Variants in DAB1 observed in about 807,000 individuals in gnomAD.
The protein encoded by DAB1 is disabled homolog 1.
DAB1 carries 15 observed loss-of-function variants against 64.6 expected under a neutral mutation model. The observed-to-expected ratio is 0.23, with a 90% CI of 0.16 to 0.36. The LOEUF (loss-of-function observed/expected upper bound fraction) is 0.36. Ranked by LOEUF, DAB1 falls within the 10% of genes least tolerant of loss-of-function variation. The probability of loss-of-function intolerance (pLI) is 1.00; values close to 1 mark genes in which losing one functional copy is unlikely to be tolerated. For synonymous variants in DAB1, 235 were observed against 251.9 expected (o/e 0.93, Z 0.64); for missense variants, 596 against 706.7 (o/e 0.84, Z 1.78).
intron 4 of DAB1, among the ~76,000 whole-genome samples, chr1:58,189,658 C>T (rs1282781740): frequency 2.0e-5 from 3 of 152,254 alleles, no homozygotes; most frequent in South Asian, 4.1e-4. Flanking sequence ...TTTGGTCACA[C>T]CAATGGCCTG....
chr1:57,321,700 T>C (rs1270255179), intron 1 of DAB1, among the ~76,000 whole-genome samples: 1 of 152,138 alleles, frequency 6.6e-6, no homozygotes, highest in Non-Finnish European at 1.5e-5. Flanking sequence ...TTCTATAAAA[T>C]GGGAGTAATA....
intron 6 of DAB1, among the ~76,000 whole-genome samples, chr1:57,750,984 T>C (rs1648525230): frequency 6.6e-6 from 1 of 152,106 alleles, no homozygotes; most frequent in Non-Finnish European, 1.5e-5. Context: ...CACCCCAGTC[T>C]CCTCCTGGGG....
At chr1:58,109,335 T>C (rs184559864) in intron 5 of DAB1, among the ~76,000 whole-genome samples, 336 of 152,308 alleles carry the variant, frequency 2.2e-3, no homozygotes, top group Non-Finnish European at 3.6e-3. Flanking sequence ...CCTGCATCTG[T>C]TAAGAATCTT....
intron 3 of DAB1, among the ~76,000 whole-genome samples, chr1:58,457,326 C>T (rs2100304296): frequency 1.3e-5 from 2 of 152,242 alleles, no homozygotes; most frequent in South Asian, 4.2e-4. Context: ...AGTGCTCCCT[C>T]CCTCCCAAGG....
intron 4 of DAB1, among the ~76,000 whole-genome samples, chr1:57,104,023 G>T (rs1654915706): frequency 6.6e-6 from 1 of 152,164 alleles, no homozygotes. Context: ...GAGACATGGG[G>T]CCCTGGAGGG....
intron 2 of DAB1, among the ~76,000 whole-genome samples, chr1:58,525,444 A>C (rs1246338058): frequency 6.6e-6 from 1 of 152,190 alleles, no homozygotes; most frequent in Non-Finnish European, 1.5e-5. Flanking sequence ...ATTTTTATAT[A>C]CAAGCAATTT....
chr1:57,345,524 A>G (rs1678007209), intron 1 of DAB1, among the ~76,000 whole-genome samples: 1 of 152,204 alleles, frequency 6.6e-6, no homozygotes, highest in Admixed American at 6.6e-5. Flanking sequence ...ATTAGCAGTG[A>G]GTCTGGGACC....
chr1:57,934,516 A>G (rs900587268), intron 5 of DAB1, among the ~76,000 whole-genome samples: 46 of 152,172 alleles, frequency 3.0e-4, no homozygotes, highest in African/African-American at 1.1e-3. Context: ...AGCACTTTAC[A>G]TGTGTTAACC....
At chr1:57,792,095 G>A (rs775437345) in intron 6 of DAB1, among the ~76,000 whole-genome samples, 1 of 152,146 alleles carries the variant, frequency 6.6e-6, no homozygotes, top group Non-Finnish European at 1.5e-5. Context: ...CCCTTCCACT[G>A]AGGACTTGTT....
rs1659007953 is a variant in DAB1 at position 57,145,324 on chromosome 1, T to C, written c.173A>G (p.Asp58Gly). ...CATCATGGAATCTTGACATAACTTGTCTCCCCGAGCTGCGGAAACTTCATC... is the reference window on the plus strand; with the variant it reads ...CATCATGGAATCTTGACATAACTTGCCTCCCCGAGCTGCGGAAACTTCATC... ...GIDEVSAARG[D>G]KLCQDSMMKL... The change falls in exon 3 of 15, where the codon GAC (aspartate) becomes GGC (glycine). Residue 58 changes from aspartate (D) to glycine (G), a missense_variant. Transcript: ENST00000371236. The C allele has an allele frequency of 6.2e-7, 1 of 1,614,006 alleles. No homozygotes were observed. Among genetic ancestry groups the C allele is most frequent in the Admixed American group, 1.7e-5 (1 of 60,000 alleles).
At chr1:57,563,828 T>A (rs1396110524) in intron 7 of DAB1, among the ~76,000 whole-genome samples, 1 of 152,184 alleles carries the variant, frequency 6.6e-6, no homozygotes, top group Non-Finnish European at 1.5e-5. Flanking sequence ...CAGCTCAAGA[T>A]GGCCTGCCTG....
chr1:58,499,509 A>ATAGATAG (rs776144705), intron 3 of DAB1, among the ~76,000 whole-genome samples: 854 of 42,896 alleles, frequency 0.02, 4 homozygotes, highest in Middle Eastern at 0.029. Flanking sequence ...TAGATAGATA[A>ATAGATAG]ATAGATAGAT....
intron 3 of DAB1, among the ~76,000 whole-genome samples, chr1:58,382,066 A>G (rs1477775611): frequency 6.6e-6 from 1 of 152,224 alleles, no homozygotes; most frequent in Non-Finnish European, 1.5e-5. Context: ...GAGAAACCCA[A>G]CTAAGAGAGT....
rs79498725 is a variant in DAB1 at position 58,430,644 on chromosome 1, G to A, written n.257+75416C>T. The stretch of plus-strand genomic sequence containing the variant: ...GCTGGGCCCTGAGAGTGACAAGAAC[G>A]GAGCCCATAATGATTAACCTTGCCA... On this transcript the variant is annotated intron_variant and non_coding_transcript_variant, in intron 3 of 20. Coordinates refer to the DAB1 transcript ENST00000485760. Among the ~76,000 whole-genome samples, 182 of 152,272 alleles carry A rather than the reference G, an allele frequency of 1.2e-3. 1 individual carries two copies. The East Asian group carries it at 0.03, about 26-fold the overall frequency.
intron 6 of DAB1, among the ~76,000 whole-genome samples, chr1:57,818,800 A>G (rs920678399): frequency 6.6e-6 from 1 of 150,882 alleles, no homozygotes; most frequent in Admixed American, 6.6e-5. Context: ...ATGTGTGTGT[A>G]TATATATACA....
At chr1:57,124,923 C>A (rs1043527974) in intron 4 of DAB1, among the ~76,000 whole-genome samples, 10 of 152,094 alleles carry the variant, frequency 6.6e-5, no homozygotes, top group African/African-American at 2.4e-4. Context: ...GCTCAGAATG[C>A]CTGTCCCTCC....
chr1:58,343,287 A>G (rs11812083), intron 4 of DAB1: 1,656 of 74,930 alleles, frequency 0.022, 26 homozygotes, highest in African/African-American at 0.086. Flanking sequence ...ATGGATGGAT[A>G]GATGGATGGA....
intron 6 of DAB1, among the ~76,000 whole-genome samples, chr1:57,724,043 C>G (rs867398473): frequency 5.3e-5 from 8 of 152,214 alleles, no homozygotes; most frequent in South Asian, 2.1e-4. Flanking sequence ...AAACGCAGAA[C>G]GTTTATAGCT....
intron 9 of DAB1, among the ~76,000 whole-genome samples, chr1:57,053,449 T>C (rs1649392923): frequency 6.6e-6 from 1 of 151,856 alleles, no homozygotes; most frequent in Non-Finnish European, 1.5e-5. Context: ...GGTATTGCTA[T>C]GTTGCCCAGG....
Sources: allele counts gnomAD v4.1 joint callset (sites outside exome capture counted in the v4.1 genomes callset), GRCh38; gene constraint gnomAD v4.1.1; transcripts MANE v1.5; gene names NCBI Gene and HGNC (gene_info 2026-07-23, HGNC 2026-07-21).